Variants in MLLT11 observed in about 807,000 individuals in gnomAD.
The protein encoded by MLLT11 is protein AF1q.
A neutral mutation model predicts 5.3 loss-of-function variants in MLLT11; 1 was observed. That is an observed-to-expected ratio of 0.19 (90% confidence interval 0.07 to 0.89). MLLT11 has a LOEUF of 0.89. Ranked by LOEUF, MLLT11 falls within the 40% of genes least tolerant of loss-of-function variation. The pLI, the probability that MLLT11 is intolerant of heterozygous loss-of-function variation, is 0.67. For synonymous variants in MLLT11, 38 were observed against 41.7 expected (o/e 0.91, Z 0.34); for missense variants, 87 against 107.3 (o/e 0.81, Z 0.83).
chr1:151,063,406 CT>C (rs1249625483), intron 1 of MLLT11, among the ~76,000 whole-genome samples: 5 of 152,028 alleles, frequency 3.3e-5, no homozygotes, highest in African/African-American at 1.2e-4. Context: ...ACTAATGCTT[CT>C]TTTTTTAATT....
At chr1:151,060,681 T>C (rs1676391107) in intron 1 of MLLT11, 128 bp downstream of exon 1, 1 of 152,170 alleles carries the variant, frequency 6.6e-6, no homozygotes, top group South Asian at 2.1e-4. Context: ...CTATGAACAA[T>C]GGGTAGTTAT....
Position 151,069,373 on chromosome 1 carries a change from C to T in MLLT11, c.*1876C>T, listed in dbSNP as rs1676535876. ...ATCCTCCCTCTAGGCCATGAAAAGC[C>T]CACATCTAAAGACGGTCCCAGTCTA... On this transcript the variant is annotated 3_prime_UTR_variant, in exon 2 of 2. Transcript: ENST00000368921. Among the ~76,000 whole-genome samples the T allele has an allele frequency of 6.6e-6, 1 of 152,138 alleles. No individual in the cohort carries two copies. The highest frequency in any genetic ancestry group is 1.5e-5 in the Non-Finnish European group (1 of 68,032).
intron 1 of MLLT11, among the ~76,000 whole-genome samples, chr1:151,063,253 T>G (rs1317429572): frequency 6.6e-6 from 1 of 152,166 alleles, no homozygotes; most frequent in Non-Finnish European, 1.5e-5. Context: ...CTGGAGCATT[T>G]TGGAACCTAT....
chr1:151,066,880 G>A (rs587654560), intron 1 of MLLT11, among the ~76,000 whole-genome samples: 4 of 151,766 alleles, frequency 2.6e-5, no homozygotes, highest in African/African-American at 4.8e-5. Context: ...AGCCAAGATC[G>A]TGCCACTGCA....
At chr1:151,062,364 ATT>A (rs587651455) in intron 1 of MLLT11, among the ~76,000 whole-genome samples, 31 of 136,352 alleles carry the variant, frequency 2.3e-4, no homozygotes, top group African/African-American at 3.2e-4. Context: ...CCATGATTCT[ATT>A]TTTTTTTTTT....
At chr1:151,065,923 C>A (rs886281067) in intron 1 of MLLT11, among the ~76,000 whole-genome samples, 8 of 152,324 alleles carry the variant, frequency 5.3e-5, no homozygotes, top group African/African-American at 1.4e-4. Flanking sequence ...CCCACTGGAA[C>A]CTCTGCTTCC....
chr1:151,066,077 T>TCATC (rs587697061), intron 1 of MLLT11, among the ~76,000 whole-genome samples: 196 of 152,234 alleles, frequency 1.3e-3, no homozygotes, highest in African/African-American at 4.6e-3. Context: ...TAGTCTCAAG[T>TCATC]CATCCGCCTG....
intron 1 of MLLT11, among the ~76,000 whole-genome samples, chr1:151,064,990 G>A (rs1464006263): frequency 6.6e-6 from 1 of 152,160 alleles, no homozygotes; most frequent in Non-Finnish European, 1.5e-5. Flanking sequence ...TTAAGATAAT[G>A]ATAGATGTAA....
intron 1 of MLLT11, among the ~76,000 whole-genome samples, chr1:151,066,159 A>C (rs1398806257): frequency 6.6e-6 from 1 of 151,926 alleles, no homozygotes; most frequent in Non-Finnish European, 1.5e-5. Flanking sequence ...TGAAATGTGG[A>C]AAGTCTTTTT....
chr1:151,064,021 T>TTTAC lies in MLLT11; in HGVS notation c.-6-3195_-6-3194insCTTA, dbSNP rs1340733641. Among the ~76,000 whole-genome samples the TTTAC allele has an allele frequency of 6.3e-4, 60 of 94,560 alleles. No homozygotes were observed. The East Asian group carries it at 0.017, about 26-fold the overall frequency. 62.0% of individuals were successfully genotyped at this position (94,560 alleles called of 152,430 possible). ...CATAGGAAAGTTATTTATTTATTTA[T>TTTAC]TTATTATTACTTTTTTTGAGATGGA... On this transcript the variant is annotated intron_variant, in intron 1 of 1. Transcript: ENST00000368921.
Position 151,069,375 on chromosome 1 carries a change from A to G in MLLT11, c.*1878A>G, listed in dbSNP as rs76649628. Among the ~76,000 whole-genome samples the G allele has an allele frequency of 0.088, 13,409 of 152,246 alleles. 742 individuals carry two copies. Among genetic ancestry groups the G allele is most frequent in the African/African-American group, 0.15 (6,307 of 41,514 alleles). On this transcript the variant is annotated 3_prime_UTR_variant, in exon 2 of 2. Transcript: ENST00000368921. ...CCTCCCTCTAGGCCATGAAAAGCCCACATCTAAAGACGGTCCCAGTCTAAC... is the reference window on the plus strand; with the variant it reads ...CCTCCCTCTAGGCCATGAAAAGCCCGCATCTAAAGACGGTCCCAGTCTAAC...
At chr1:151,064,333 A>G (rs1483099108) in intron 1 of MLLT11, among the ~76,000 whole-genome samples, 1 of 152,308 alleles carries the variant, frequency 6.6e-6, no homozygotes, top group East Asian at 1.9e-4. Flanking sequence ...AAGTTCTTTT[A>G]GCACCTAGGT....
intron 1 of MLLT11, among the ~76,000 whole-genome samples, chr1:151,064,005 GTTATTTAT>G: frequency 6.6e-6 from 1 of 150,452 alleles, no homozygotes; most frequent in African/African-American, 2.4e-5. Flanking sequence ...GCATAGGAAA[GTTATTTAT>G]TTATTTATTT....
At position 151,068,576 on chromosome 1, in the gene MLLT11, A is replaced by G. The variant is rs1450974441; in HGVS notation, c.*1079A>G. On this transcript the variant is annotated 3_prime_UTR_variant, in exon 2 of 2. Transcript: ENST00000368921. ...AGCCTTGCTTTCACACTTAGCTTAT[A>G]CATCTTTTTTTTCTTTTTTATTTTT... 4 of 183,804 alleles carry G rather than the reference A, an allele frequency of 2.2e-5. No individual in the cohort carries two copies. The highest frequency in any genetic ancestry group is 9.5e-5 in the African/African-American group (4 of 42,260). 11.4% of individuals were successfully genotyped at this position (183,804 alleles called of 1,614,324 possible). A position where few individuals can be genotyped will look rare whatever the true frequency, so the allele number is the denominator to read the frequency against.
rs1483925661 is a variant in MLLT11, at chr1:151,067,975, A to C, written c.*478A>C. 10 of 246,712 alleles carry C rather than the reference A, an allele frequency of 4.1e-5. No individual in the cohort carries two copies. The East Asian group carries it at 6.2e-4, about 15-fold the overall frequency. The allele number at this position is 246,712 out of a possible 1,614,324, so 15.3% of individuals were successfully genotyped here. ...ATCTGCTACGAAACAGTATTTCTAA[A>C]AGGCTAAAGTGATAAGTCTCTTGCT... On this transcript the variant is annotated 3_prime_UTR_variant, in exon 2 of 2. Coordinates refer to ENST00000368921, the MANE Select transcript of MLLT11 (RefSeq NM_006818.4).
At chr1:151,065,814 T>C (rs1676467986) in intron 1 of MLLT11, among the ~76,000 whole-genome samples, 1 of 152,138 alleles carries the variant, frequency 6.6e-6, no homozygotes, top group Non-Finnish European at 1.5e-5. Context: ...GGTTCCTCTA[T>C]AGACTTGGAG....
intron 1 of MLLT11, among the ~76,000 whole-genome samples, chr1:151,063,016 C>T (rs942464198): frequency 6.6e-5 from 10 of 152,252 alleles, no homozygotes; most frequent in Admixed American, 3.3e-4. Context: ...GCTGCAATCC[C>T]GGCATCACCC....
chr1:151,062,641 G>A (rs764416395), intron 1 of MLLT11, among the ~76,000 whole-genome samples: 1 of 152,008 alleles, frequency 6.6e-6, no homozygotes, highest in African/African-American at 2.4e-5. Flanking sequence ...GATTACAGGC[G>A]TGTGCCACCG....
intron 1 of MLLT11, among the ~76,000 whole-genome samples, chr1:151,065,544 C>T (rs1676464968): frequency 6.6e-6 from 1 of 152,098 alleles, no homozygotes; most frequent in African/African-American, 2.4e-5. Flanking sequence ...ATCTGTAATC[C>T]CAAACTGATG....
Sources: allele counts gnomAD v4.1 joint callset (sites outside exome capture counted in the v4.1 genomes callset), GRCh38; gene constraint gnomAD v4.1.1; transcripts MANE v1.5; gene names NCBI Gene and HGNC (gene_info 2026-07-23, HGNC 2026-07-21).